Variants in FSTL5 observed in about 807,000 individuals in gnomAD.
The protein encoded by FSTL5 is follistatin like 5.
FSTL5 carries 62 observed loss-of-function variants against 89.1 expected under a neutral mutation model. The ratio of observed to expected loss-of-function variants is 0.70; its 90% CI spans 0.57 to 0.86. The LOEUF is 0.86. Among genes scored for constraint, FSTL5 ranks in the 40% least tolerant of loss-of-function variants. The probability of loss-of-function intolerance (pLI) is 0.00; values close to 1 mark genes in which losing one functional copy is unlikely to be tolerated. For synonymous variants in FSTL5, 383 were observed against 346.2 expected (o/e 1.11, Z -1.18); for missense variants, 1,057 against 1,001.6 (o/e 1.06, Z -0.75).
At chr4:162,113,517 T>C (rs1401732144) in intron 1 of FSTL5, among the ~76,000 whole-genome samples, 1 of 152,168 alleles carries the variant, frequency 6.6e-6, no homozygotes, top group Non-Finnish European at 1.5e-5. Context: ...GTTATTGCAC[T>C]CATTAATAAC....
chr4:161,856,184 T>C (rs567063338), intron 4 of FSTL5, among the ~76,000 whole-genome samples: 22 of 152,092 alleles, frequency 1.4e-4, no homozygotes, highest in Non-Finnish European at 3.1e-4. Context: ...TAGACAATTC[T>C]TGTGTACCCA....
chr4:161,752,924 A>T (rs1740448852), intron 6 of FSTL5, among the ~76,000 whole-genome samples: 1 of 152,182 alleles, frequency 6.6e-6, no homozygotes, highest in South Asian at 2.1e-4. Context: ...TTAGTTTATA[A>T]GCCAGGAAGA....
intron 4 of FSTL5, among the ~76,000 whole-genome samples, chr4:161,877,996 C>T (rs1732503522): frequency 6.6e-6 from 1 of 150,902 alleles, no homozygotes. Flanking sequence ...TATTAAAAAT[C>T]TTTTTTTTAC....
chr4:161,778,079 G>A (rs1453077531), intron 4 of FSTL5, among the ~76,000 whole-genome samples: 1 of 137,884 alleles, frequency 7.3e-6, no homozygotes, highest in African/African-American at 2.7e-5. Flanking sequence ...GAATGACAGG[G>A]TGAGACTCCG....
chr4:161,747,985 T>C (rs1740260592), intron 6 of FSTL5, among the ~76,000 whole-genome samples: 1 of 152,188 alleles, frequency 6.6e-6, no homozygotes, highest in African/African-American at 2.4e-5. Context: ...GCTAACACTA[T>C]ATGGATAGAG....
At chr4:161,796,072 A>C (rs2126824755) in intron 4 of FSTL5, among the ~76,000 whole-genome samples, 1 of 152,078 alleles carries the variant, frequency 6.6e-6, no homozygotes, top group South Asian at 2.1e-4. Flanking sequence ...TTGAGGAAAT[A>C]GTTTAAAATG....
Position 162,163,683 on chromosome 4 carries a change from A to T in FSTL5, c.-85T>A, listed in dbSNP as rs1320209952. 9.2e-6 allele frequency: 1 copy of T among 108,970 alleles called. No homozygotes were observed. Among genetic ancestry groups the T allele is most frequent in the Non-Finnish European group, 2.0e-5 (1 of 49,468 alleles). 6.8% of individuals were successfully genotyped at this position (108,970 alleles called of 1,614,324 possible). A position where few individuals can be genotyped will look rare whatever the true frequency, so the allele number is the denominator to read the frequency against. The stretch of plus-strand genomic sequence containing the variant: ...CGCTGTGGAAATATAAATCACAATA[A>T]AAAAAAAAAACTCTCAAAAGATCGT... On this transcript the variant is annotated 5_prime_UTR_variant, in exon 1 of 16. Coordinates refer to ENST00000306100, the MANE Select transcript of FSTL5 (RefSeq NM_020116.5).
intron 6 of FSTL5, among the ~76,000 whole-genome samples, chr4:161,737,985 C>A (rs972468687): frequency 2.0e-5 from 3 of 151,896 alleles, no homozygotes; most frequent in African/African-American, 7.3e-5. Context: ...AAAGAATGAG[C>A]AGGATGATCA....
At chr4:162,142,978 T>A (rs191091177) in intron 1 of FSTL5, among the ~76,000 whole-genome samples, 1 of 152,310 alleles carries the variant, frequency 6.6e-6, no homozygotes, top group Admixed American at 6.5e-5. Flanking sequence ...ACTGTTACTA[T>A]CATTATTATT....
chr4:161,526,447 T>C (rs11726306), intron 10 of FSTL5, among the ~76,000 whole-genome samples: 35,682 of 152,076 alleles, frequency 0.23, 5,487 homozygotes, highest in Non-Finnish European at 0.35. Flanking sequence ...GGGAAAGATA[T>C]ACAAATGGGC....
intron 3 of FSTL5, among the ~76,000 whole-genome samples, chr4:162,028,375 G>A (rs1285367590): frequency 6.6e-6 from 1 of 151,990 alleles, no homozygotes. Flanking sequence ...TCAGGAGTTC[G>A]AGACCATCCT....
intron 8 of FSTL5, among the ~76,000 whole-genome samples, chr4:161,577,951 T>C (rs1733287238): frequency 6.6e-6 from 1 of 152,108 alleles, no homozygotes. Flanking sequence ...CTGTAAAGGC[T>C]ACTCTAGACA....
chr4:161,973,178 T>A (rs1298167808), intron 3 of FSTL5, among the ~76,000 whole-genome samples: 15 of 152,192 alleles, frequency 9.9e-5, no homozygotes, highest in Admixed American at 9.8e-4. Flanking sequence ...TCATGTTTTT[T>A]TTTCTGTATT....
At chr4:161,907,477 G>C (rs1733570047) in intron 4 of FSTL5, among the ~76,000 whole-genome samples, 1 of 152,130 alleles carries the variant, frequency 6.6e-6, no homozygotes, top group African/African-American at 2.4e-5. Context: ...GCCTTTGGGA[G>C]TAGATACATG....
chr4:161,735,547 T>A (rs983407611), intron 6 of FSTL5, among the ~76,000 whole-genome samples: 2 of 152,200 alleles, frequency 1.3e-5, no homozygotes, highest in Non-Finnish European at 2.9e-5. Context: ...CATTATCATC[T>A]GATTCTTCTG....
intron 8 of FSTL5, among the ~76,000 whole-genome samples, chr4:161,583,395 T>C (rs1045060643): frequency 6.6e-6 from 1 of 152,152 alleles, no homozygotes; most frequent in Non-Finnish European, 1.5e-5. Context: ...ATTATAGATC[T>C]GCCATCCCCA....
chr4:162,007,858 T>C (rs903241226), intron 3 of FSTL5, among the ~76,000 whole-genome samples: 2 of 151,844 alleles, frequency 1.3e-5, no homozygotes, highest in African/African-American at 4.8e-5. Context: ...AAACAATCTA[T>C]ATTACATTAT....
At chr4:162,064,657 C>G (rs1738829830) in intron 2 of FSTL5, among the ~76,000 whole-genome samples, 2 of 151,974 alleles carry the variant, frequency 1.3e-5, no homozygotes, top group Non-Finnish European at 2.9e-5. Flanking sequence ...TTGCCAACAA[C>G]AGATCTTAGG....
chr4:161,681,148 A>G (rs1264708290), intron 6 of FSTL5, among the ~76,000 whole-genome samples: 1 of 152,082 alleles, frequency 6.6e-6, no homozygotes, highest in African/African-American at 2.4e-5. Flanking sequence ...GTGCATGTGA[A>G]TGTGTGATTT....
Sources: gnomAD v4.1 joint callset for allele counts (sites outside exome capture counted in the v4.1 genomes callset) on GRCh38, gnomAD v4.1.1 for gene constraint, MANE v1.5 for transcripts, NCBI Gene and HGNC (gene_info 2026-07-23, HGNC 2026-07-21) for gene names.